KRT7: variants seen among roughly 807,000 people sequenced by gnomAD.
The protein encoded by KRT7 is keratin, type II cytoskeletal 7.
A neutral mutation model predicts 42.8 loss-of-function variants in KRT7; 50 were observed. That is an observed-to-expected ratio of 1.17 (90% CI 0.93 to 1.48). The LOEUF (loss-of-function observed/expected upper bound fraction) is 1.48. Among genes scored for constraint, KRT7 ranks in the 40% most tolerant of loss-of-function variants. The pLI, the probability that KRT7 is intolerant of heterozygous loss-of-function variation, is 0.00. For synonymous variants in KRT7, 268 were observed against 266.3 expected (o/e 1.01, Z -0.06); for missense variants, 588 against 637.6 (o/e 0.92, Z 0.84).
chr12:52,255,200 C>G (rs570009506), downstream of KRT7: 50 of 344,558 alleles, frequency 1.5e-4, no homozygotes, highest in African/African-American at 9.2e-4. Flanking sequence ...GAAGCTGGGC[C>G]GTGTGATTCT....
intron 5 of KRT7, among the ~76,000 whole-genome samples, chr12:52,242,327 G>A (rs1297795678): frequency 1.3e-5 from 2 of 152,166 alleles, no homozygotes; most frequent in Non-Finnish European, 2.9e-5. Context: ...TAAGTAATTT[G>A]CCTAACTGCA....
downstream of KRT7, among the ~76,000 whole-genome samples, chr12:52,252,708 C>T (rs1323933312): frequency 6.6e-6 from 1 of 152,224 alleles, no homozygotes; most frequent in Non-Finnish European, 1.5e-5. Context: ...GAGGATCTGG[C>T]CACACTGGAC....
chr12:52,237,722 GTGTA>G (rs1167792176), intron 3 of KRT7, 153 bp downstream of exon 3: 18 of 529,994 alleles, frequency 3.4e-5, no homozygotes, highest in African/African-American at 2.6e-4. Flanking sequence ...CTGTGGGTGC[GTGTA>G]TGTGTGTGTG....
At chr12:52,235,431 C>A in intron 2 of KRT7, 65 bp downstream of exon 2, 1 of 1,403,082 alleles carries the variant, frequency 7.1e-7, no homozygotes, top group Admixed American at 2.1e-5. Context: ...CATGAGCTGA[C>A]CCTGTGCAAG....
At chr12:52,242,600 G>T (rs1942108794) in intron 5 of KRT7, among the ~76,000 whole-genome samples, 1 of 152,168 alleles carries the variant, frequency 6.6e-6, no homozygotes, top group Non-Finnish European at 1.5e-5. Flanking sequence ...GAAGACCTGG[G>T]TTCAGGCCCT....
chr12:52,233,670 C>A, intron 1 of KRT7, 50 bp downstream of exon 1: 2 of 1,581,988 alleles, frequency 1.3e-6, no homozygotes, highest in Non-Finnish European at 8.7e-7. Context: ...CCAGACCACA[C>A]CAGCCGCCCT....
chr12:52,252,022 C>T, downstream of KRT7: 1 of 700,472 alleles, frequency 1.4e-6, no homozygotes, highest in South Asian at 1.5e-5. Flanking sequence ...AAATGGATTA[C>T]TTACAGACAT....
chr12:52,250,808 T>G (rs1370540941), downstream of KRT7, among the ~76,000 whole-genome samples: 11 of 152,166 alleles, frequency 7.2e-5, no homozygotes, highest in East Asian at 2.1e-3. Flanking sequence ...CCAGGTCCTC[T>G]CTATAGGCAG....
At chr12:52,250,060 A>C (rs578010213), downstream of KRT7, among the ~76,000 whole-genome samples, 1 of 152,234 alleles carries the variant, frequency 6.6e-6, no homozygotes, top group South Asian at 2.1e-4. Flanking sequence ...GGGGAGAGGG[A>C]GGGAGCCAGG....
intron 3 of KRT7, among the ~76,000 whole-genome samples, chr12:52,238,081 A>T (rs1284276399): frequency 6.6e-6 from 1 of 152,158 alleles, no homozygotes; most frequent in Non-Finnish European, 1.5e-5. Flanking sequence ...CAAACCACAG[A>T]ATTGCAACTT....
At chr12:52,251,930 C>T (rs954343873), downstream of KRT7, 26 of 512,380 alleles carry the variant, frequency 5.1e-5, 1 homozygote, top group Admixed American at 2.3e-4. Context: ...ACATGGCCCA[C>T]GAGCCTAAAG....
rs1427637897 is a variant in KRT7, at chr12:52,238,769, T to C, written c.687T>C (p.Asn229=). The change falls in exon 4 of 9, where the codon AAT becomes AAC. Residue 229 remains asparagine (N), a synonymous_variant. Coordinates refer to ENST00000331817, the MANE Select transcript of KRT7 (RefSeq NM_005556.4). The stretch of plus-strand genomic sequence containing the variant: ...AGATCAACTTCCTCAGGACCCTCAA[T>C]GAGACGGTGAGGACCATGGAGCTGG... ...NDEINFLRTL[N]ETELTELQSQ... 11 of 1,597,008 alleles carry C rather than the reference T, an allele frequency of 6.9e-6. No individual in the cohort carries two copies. Among genetic ancestry groups the C allele is most frequent in the Non-Finnish European group, 9.4e-6 (11 of 1,164,242 alleles).
chr12:52,253,769 C>G (rs1755918727), downstream of KRT7: 1 of 849,760 alleles, frequency 1.2e-6, no homozygotes, highest in Non-Finnish European at 1.8e-6. Flanking sequence ...GGATCTCCTG[C>G]AGGAGATGGG....
downstream of KRT7, among the ~76,000 whole-genome samples, chr12:52,251,132 A>G (rs961952265): frequency 6.6e-6 from 1 of 151,992 alleles, no homozygotes; most frequent in Non-Finnish European, 1.5e-5. Flanking sequence ...GGTGTCCATC[A>G]CCTTGCCCGG....
chr12:52,254,441 G>T, downstream of KRT7: 1 of 549,936 alleles, frequency 1.8e-6, no homozygotes, highest in Non-Finnish European at 3.6e-6. Flanking sequence ...CCAGGGAGGG[G>T]CACCCCATCA....
chr12:52,254,285 C>G, downstream of KRT7: 1 of 971,902 alleles, frequency 1.0e-6, no homozygotes, highest in Non-Finnish European at 1.6e-6. Flanking sequence ...ATATAGCCGC[C>G]TCAGGAAGTC....
chr12:52,237,833 G>C (rs1023530433), intron 3 of KRT7: 1 of 310,454 alleles, frequency 3.2e-6, no homozygotes, highest in Non-Finnish European at 5.9e-6. Flanking sequence ...ATTATAGAGG[G>C]AGATTTCAAC....
At chr12:52,242,969 A>G (rs1428372958) in intron 5 of KRT7, 43 bp from the exon 6 acceptor site, 1 of 1,576,234 alleles carries the variant, frequency 6.3e-7, no homozygotes, top group South Asian at 1.2e-5. Flanking sequence ...ACCTGTACTC[A>G]CTGCCCATCT....
chr12:52,239,209 A>G (rs1284456462), intron 4 of KRT7, among the ~76,000 whole-genome samples: 1 of 152,076 alleles, frequency 6.6e-6, no homozygotes, highest in East Asian at 1.9e-4. Context: ...CTCTTTAAGT[A>G]TTTGACTTAT....
Sources: allele counts gnomAD v4.1 joint callset (sites outside exome capture counted in the v4.1 genomes callset), GRCh38; gene constraint gnomAD v4.1.1; transcripts MANE v1.5; gene names NCBI Gene and HGNC (gene_info 2026-07-23, HGNC 2026-07-21).